Variants in CD1B observed in about 807,000 individuals in gnomAD.
CD1B encodes the protein T-cell surface glycoprotein CD1b.
A neutral mutation model predicts 39.8 loss-of-function variants in CD1B; 43 were observed. The observed-to-expected ratio is 1.08, with a 90% confidence interval of 0.85 to 1.39. The LOEUF (loss-of-function observed/expected upper bound fraction) is 1.39, where lower values mean the gene tolerates loss of function less well. Among genes scored for constraint, CD1B ranks in the 40% most tolerant of loss-of-function variants. The probability of loss-of-function intolerance (pLI) is 0.00; values close to 1 mark genes in which losing one functional copy is unlikely to be tolerated. For synonymous variants in CD1B, 192 were observed against 152.5 expected, an observed-to-expected ratio of 1.26 and a Z score of -1.91; for missense variants, 495 against 403.8, an observed-to-expected ratio of 1.23 and a Z score of -1.94.
At chr1:158,304,472 C>A in the CD1B span, among the ~76,000 whole-genome samples, 3 of 152,166 alleles carry the variant, frequency 2.0e-5, no homozygotes, top group African/African-American at 7.2e-5. Context: ...CACCGCAGCT[C>A]AAGGAGGCCT....
At chr1:158,316,645 T>C in the CD1B span, among the ~76,000 whole-genome samples, 2 of 150,914 alleles carry the variant, frequency 1.3e-5, no homozygotes, top group Non-Finnish European at 2.9e-5. Flanking sequence ...TGAATACCCT[T>C]TATTTCCTTC....
intron 4 of CD1B, 23 bp downstream of exon 4, chr1:158,329,347 C>T: frequency 6.2e-7 from 1 of 1,600,244 alleles, no homozygotes; most frequent in South Asian, 1.1e-5. Flanking sequence ...GCATTTCCAG[C>T]CTGGGTCCCT....
chr1:158,293,752 T>C, the CD1B span: 3 of 643,414 alleles, frequency 4.7e-6, no homozygotes, highest in Non-Finnish European at 8.0e-6. Context: ...TCAACTGTTA[T>C]GTGCATGCAA....
chr1:158,323,840 G>T (rs548423913), downstream of CD1B, among the ~76,000 whole-genome samples: 1 of 152,312 alleles, frequency 6.6e-6, no homozygotes, highest in East Asian at 1.9e-4. Flanking sequence ...AGGGACCTAA[G>T]TCCAGGAGCC....
chr1:158,309,313 A>G, the CD1B span, among the ~76,000 whole-genome samples: 21 of 152,344 alleles, frequency 1.4e-4, no homozygotes, highest in Middle Eastern at 3.4e-3. Context: ...AATGGCGATC[A>G]TTAAAAGGTC....
the CD1B span, among the ~76,000 whole-genome samples, chr1:158,321,133 G>A: frequency 1.2e-4 from 19 of 152,162 alleles, no homozygotes; most frequent in East Asian, 9.7e-4. Context: ...TGTATTGTAC[G>A]CTATATCTCC....
chr1:158,309,584 A>T, the CD1B span, among the ~76,000 whole-genome samples: 1 of 152,206 alleles, frequency 6.6e-6, no homozygotes, highest in Non-Finnish European at 1.5e-5. Context: ...ACCAACCCAA[A>T]TGTCTAACAA....
chr1:158,309,314 T>C, the CD1B span, among the ~76,000 whole-genome samples: 1 of 152,128 alleles, frequency 6.6e-6, no homozygotes. Flanking sequence ...ATGGCGATCA[T>C]TAAAAGGTCA....
chr1:158,304,612 G>A, the CD1B span, among the ~76,000 whole-genome samples: 15 of 152,298 alleles, frequency 9.8e-5, no homozygotes, highest in Non-Finnish European at 2.1e-4. Flanking sequence ...GCATGCAGCT[G>A]GAGATCTGAG....
At chr1:158,305,954 G>C in the CD1B span, among the ~76,000 whole-genome samples, 2 of 152,112 alleles carry the variant, frequency 1.3e-5, no homozygotes, top group Admixed American at 6.6e-5. Flanking sequence ...AAAGGAACAA[G>C]TGGTACCAGC....
chr1:158,308,623 C>G, the CD1B span, among the ~76,000 whole-genome samples: 4 of 152,050 alleles, frequency 2.6e-5, no homozygotes, highest in African/African-American at 7.3e-5. Context: ...GTACTGGTAC[C>G]AAAACAGAGA....
intron 5 of CD1B, 42 bp downstream of exon 5, chr1:158,328,879 A>G: frequency 7.3e-7 from 1 of 1,374,632 alleles, no homozygotes; most frequent in Non-Finnish European, 1.0e-6. Context: ...GGTGAACAGA[A>G]AAGACATATT....
At chr1:158,291,991 T>C in the CD1B span, 6 of 1,316,512 alleles carry the variant, frequency 4.6e-6, no homozygotes, top group African/African-American at 7.4e-5. Context: ...TGTAAAACTT[T>C]CTTGCTTCAC....
At chr1:158,318,744 G>T in the CD1B span, among the ~76,000 whole-genome samples, 1 of 152,102 alleles carries the variant, frequency 6.6e-6, no homozygotes, top group Non-Finnish European at 1.5e-5. Flanking sequence ...AGTTGATGCA[G>T]TTTCTTCCTA....
At chr1:158,293,517 C>T in the CD1B span, 1 of 1,613,960 alleles carries the variant, frequency 6.2e-7, no homozygotes, top group Non-Finnish European at 8.5e-7. Context: ...AAGAACCCAG[C>T]AACCCAGGAG....
chr1:158,293,427 G>A, the CD1B span: 10 of 1,612,576 alleles, frequency 6.2e-6, no homozygotes, highest in African/African-American at 5.4e-5. Context: ...ACTTATTCAG[G>A]GTTTCTCCCA....
intron 4 of CD1B, 111 bp from the exon 5 acceptor site, chr1:158,329,125 C>G: frequency 2.0e-6 from 2 of 1,011,924 alleles, no homozygotes; most frequent in Admixed American, 2.4e-5. Flanking sequence ...AACTTCCTCT[C>G]TCATATTCCT....
chr1:158,300,851 T>C, the CD1B span, among the ~76,000 whole-genome samples: 1 of 149,898 alleles, frequency 6.7e-6, no homozygotes, highest in Non-Finnish European at 1.5e-5. Flanking sequence ...CTCTTCCTCC[T>C]GTGTTCATAC....
chr1:158,317,757 G>T, the CD1B span, among the ~76,000 whole-genome samples: 1 of 152,210 alleles, frequency 6.6e-6, no homozygotes. Flanking sequence ...GTGATGTTAG[G>T]ATGTCAATTT....
Sources: gnomAD v4.1 joint callset for allele counts (sites outside exome capture counted in the v4.1 genomes callset) on GRCh38, gnomAD v4.1.1 for gene constraint, MANE v1.5 for transcripts, NCBI Gene and HGNC (gene_info 2026-07-23, HGNC 2026-07-21) for gene names.